MYO3A: variants seen among roughly 807,000 people sequenced by gnomAD.
MYO3A encodes the protein myosin IIIA.
A neutral mutation model predicts 192.7 loss-of-function variants in MYO3A; 180 were observed. The observed-to-expected ratio is 0.93, with a 90% CI of 0.83 to 1.06. The LOEUF (loss-of-function observed/expected upper bound fraction) is 1.06, where lower values mean the gene tolerates loss of function less well. Ranked by LOEUF, MYO3A falls within the 50% of genes least tolerant of loss-of-function variation. MYO3A has a pLI of 0.00. For missense variants in MYO3A, 1,896 were observed against 1,905.0 expected, an observed-to-expected ratio of 1.00 and a Z score of 0.09; for synonymous variants, 628 against 645.3, an observed-to-expected ratio of 0.97 and a Z score of 0.41.
Position 26,067,085 on chromosome 10 carries a change from C to A in MYO3A, c.1053+11C>A. ...GAAATTTTGGATGAGGTAAGAATTT[C>A]AGTTTAATTAAACTTAGACATTCCA... On this transcript the variant is annotated intron_variant, in intron 11 of 34. Transcript: ENST00000642920. The A allele has an allele frequency of 6.4e-7, 1 of 1,556,866 alleles. No individual in the cohort carries two copies. Among genetic ancestry groups the A allele is most frequent in the South Asian group, 1.1e-5 (1 of 89,898 alleles).
Position 26,082,057 on chromosome 10 carries a change from C to T in MYO3A, c.1360-6146C>T, listed in dbSNP as rs1179078337. 2.6e-5 allele frequency among the ~76,000 whole-genome samples: 4 copies of T among 152,354 alleles called. No individual in the cohort carries two copies. The East Asian group carries it at 7.7e-4, about 29-fold the overall frequency. On this transcript the variant is annotated intron_variant, in intron 14 of 34. Transcript: ENST00000642920. The stretch of plus-strand genomic sequence containing the variant: ...CCTCTGCACGCTGCTCTTTCTGGAG[C>T]TGCAATCTAGTCCTGTCTCCCATCT...
chr10:26,189,869 G>T (rs543849709), intron 31 of MYO3A, among the ~76,000 whole-genome samples: 1 of 152,038 alleles, frequency 6.6e-6, no homozygotes, highest in African/African-American at 2.4e-5. Context: ...TCGAGACCAG[G>T]CTGGCTAACA....
chr10:26,176,034 C>A (rs1842310409), intron 30 of MYO3A, among the ~76,000 whole-genome samples: 1 of 152,128 alleles, frequency 6.6e-6, no homozygotes, highest in Non-Finnish European at 1.5e-5. Context: ...GTGGCTCAAG[C>A]CTGTAATCCC....
chr10:26,041,027 C>T (rs1843316985), intron 10 of MYO3A, among the ~76,000 whole-genome samples: 1 of 151,940 alleles, frequency 6.6e-6, no homozygotes, highest in Non-Finnish European at 1.5e-5. Flanking sequence ...TGGGGTTTAT[C>T]TCTCTATTTA....
At chr10:25,937,429 A>C (rs1214783318) in intron 2 of MYO3A, among the ~76,000 whole-genome samples, 2 of 152,238 alleles carry the variant, frequency 1.3e-5, no homozygotes, top group African/African-American at 4.8e-5. Context: ...TCATCCTTTG[A>C]AAAGGAGAAT....
chr10:26,206,077 T>C (rs933202939), intron 34 of MYO3A, among the ~76,000 whole-genome samples: 1 of 151,946 alleles, frequency 6.6e-6, no homozygotes, highest in Non-Finnish European at 1.5e-5. Flanking sequence ...TTTTTTTTTT[T>C]TTTGAGTGAG....
chr10:26,032,297 A>G (rs1187782959), intron 10 of MYO3A, among the ~76,000 whole-genome samples: 1 of 152,190 alleles, frequency 6.6e-6, no homozygotes, highest in African/African-American at 2.4e-5. Context: ...AAGAAAGACA[A>G]ACTAAAAATT....
intron 6 of MYO3A, among the ~76,000 whole-genome samples, chr10:26,002,044 C>T (rs1564447724): frequency 6.6e-6 from 1 of 152,154 alleles, no homozygotes; most frequent in African/African-American, 2.4e-5. Context: ...AGACTGAACC[C>T]TATCTAAAAG....
intron 4 of MYO3A, among the ~76,000 whole-genome samples, chr10:25,963,665 A>T (rs1374401326): frequency 2.6e-5 from 4 of 152,116 alleles, no homozygotes; most frequent in Admixed American, 2.6e-4. Context: ...TCACAGTGTG[A>T]TTCCTTTCAT....
At chr10:26,097,557 C>A (rs1460497801) in intron 17 of MYO3A, among the ~76,000 whole-genome samples, 3 of 151,550 alleles carry the variant, frequency 2.0e-5, no homozygotes. Context: ...CCATGACAGG[C>A]CCCAGTGTGT....
chr10:26,134,350 A>G (rs992677542), intron 20 of MYO3A, among the ~76,000 whole-genome samples: 1 of 152,198 alleles, frequency 6.6e-6, no homozygotes, highest in South Asian at 2.1e-4. Flanking sequence ...TATTAACATT[A>G]ACATAAAAAC....
In MYO3A at chr10:26,088,275, A is replaced by T; in HGVS notation, c.1432A>T (p.Thr478Ser). The T allele has an allele frequency of 6.2e-7, 1 of 1,613,804 alleles. No homozygotes were observed. Among genetic ancestry groups the T allele is most frequent in the East Asian group, 2.2e-5 (1 of 44,822 alleles). Residue 478 changes from threonine (T) to serine (S), a missense_variant, in exon 15 of 35, where the codon ACT becomes TCT. Transcript: ENST00000642920. ...GGTAGAAGCCTTTGGCAATGCCTGC[A>T]CTATTATAAATGACAATTCTAGCAG... ...NLVEAFGNACTIINDNSSRFG... is the reference protein window; with the variant it reads ...NLVEAFGNACSIINDNSSRFG...
At chr10:26,159,348 CTTT>C (rs890431952) in intron 26 of MYO3A, among the ~76,000 whole-genome samples, 1 of 141,264 alleles carries the variant, frequency 7.1e-6, no homozygotes, top group African/African-American at 2.6e-5. Flanking sequence ...TTTAGTTTTT[CTTT>C]TTTTTCTTTT....
chr10:26,125,754 C>T (rs1839183337), intron 19 of MYO3A, 146 bp downstream of exon 19: 2 of 773,102 alleles, frequency 2.6e-6, no homozygotes, highest in Admixed American at 2.5e-5. Context: ...AGTAGATAAG[C>T]TTCACTTCCT....
intron 4 of MYO3A, among the ~76,000 whole-genome samples, chr10:25,987,913 G>T (rs1839753878): frequency 6.6e-6 from 1 of 152,146 alleles, no homozygotes; most frequent in Non-Finnish European, 1.5e-5. Context: ...CATGTTCATA[G>T]CAGCACAATT....
chr10:26,120,886 G>A, intron 18 of MYO3A, 84 bp downstream of exon 18: 3 of 1,531,654 alleles, frequency 2.0e-6, no homozygotes, highest in Middle Eastern at 2.0e-4. Context: ...ACCATTTCAA[G>A]CAATTGTGCT....
chr10:25,995,448 G>A (rs941001559), intron 4 of MYO3A, among the ~76,000 whole-genome samples: 18 of 152,126 alleles, frequency 1.2e-4, no homozygotes, highest in Admixed American at 1.0e-3. Flanking sequence ...CGATGGATTC[G>A]AACTTCCTCC....
chr10:26,060,253 C>G (rs1834372614), intron 10 of MYO3A, among the ~76,000 whole-genome samples: 1 of 149,408 alleles, frequency 6.7e-6, no homozygotes, highest in Non-Finnish European at 1.5e-5. Flanking sequence ...GAGCGAAACT[C>G]CATCTCAATA....
intron 10 of MYO3A, among the ~76,000 whole-genome samples, chr10:26,036,174 C>T (rs561977411): frequency 3.0e-4 from 45 of 152,124 alleles, no homozygotes; most frequent in Non-Finnish European, 5.0e-4. Context: ...TTCCAGACCT[C>T]GTGATCTGCC....
Sources: allele counts gnomAD v4.1 joint callset (sites outside exome capture counted in the v4.1 genomes callset), GRCh38; gene constraint gnomAD v4.1.1; transcripts MANE v1.5; gene names NCBI Gene and HGNC (gene_info 2026-07-23, HGNC 2026-07-21).